TACR3: variants seen among roughly 807,000 people sequenced by gnomAD.
The protein encoded by TACR3 is tachykinin receptor 3.
Under a neutral mutation model 35.0 loss-of-function variants are expected in TACR3, and 34 were observed. That is an observed-to-expected ratio of 0.97 (90% confidence interval 0.74 to 1.30). The LOEUF is 1.30. TACR3 is among the 50% of genes most tolerant of loss of function. The probability of loss-of-function intolerance (pLI) is 0.00; values close to 1 mark genes in which losing one functional copy is unlikely to be tolerated. For synonymous variants in TACR3, 233 were observed against 221.1 expected (o/e 1.05, Z -0.48); for missense variants, 558 against 591.7 (o/e 0.94, Z 0.59).
At chr4:103,650,105 G>C (rs988980005) in intron 3 of TACR3, among the ~76,000 whole-genome samples, 1 of 152,142 alleles carries the variant, frequency 6.6e-6, no homozygotes, top group Non-Finnish European at 1.5e-5. Flanking sequence ...ATACTGCCTT[G>C]TTGGTCTTGG....
chr4:103,668,784 G>C (rs984763515), intron 1 of TACR3, among the ~76,000 whole-genome samples: 6 of 151,668 alleles, frequency 4.0e-5, no homozygotes, highest in African/African-American at 1.5e-4. Context: ...GGGAAGTGGA[G>C]GGTACAGAGA....
At chr4:103,652,647 C>G (rs775322110) in intron 3 of TACR3, among the ~76,000 whole-genome samples, 1 of 152,082 alleles carries the variant, frequency 6.6e-6, no homozygotes, top group African/African-American at 2.4e-5. Context: ...TTCTATTTGA[C>G]CATCCTGCTC....
At chr4:103,641,279 C>A (rs1725351135) in intron 3 of TACR3, among the ~76,000 whole-genome samples, 1 of 151,704 alleles carries the variant, frequency 6.6e-6, no homozygotes, top group African/African-American at 2.4e-5. Flanking sequence ...TAAAAAAATT[C>A]CAGTACCATA....
chr4:103,629,935 A>G (rs765583436), intron 3 of TACR3, among the ~76,000 whole-genome samples: 4 of 151,840 alleles, frequency 2.6e-5, no homozygotes, highest in Admixed American at 2.6e-4. Context: ...CTTGACTTCA[A>G]ACTATACTAC....
chr4:103,699,991 G>A (rs529046832), intron 1 of TACR3, among the ~76,000 whole-genome samples: 1 of 152,188 alleles, frequency 6.6e-6, no homozygotes, highest in East Asian at 1.9e-4. Context: ...TATCTACTTT[G>A]TTTATTTCAG....
At chr4:103,647,573 G>GA (rs962395673) in intron 3 of TACR3, among the ~76,000 whole-genome samples, 1 of 151,754 alleles carries the variant, frequency 6.6e-6, no homozygotes, top group Non-Finnish European at 1.5e-5. Context: ...AATTATCATT[G>GA]AAAAAAATGA....
At chr4:103,627,589 G>T (rs1298784338) in intron 3 of TACR3, among the ~76,000 whole-genome samples, 4 of 151,874 alleles carry the variant, frequency 2.6e-5, no homozygotes, top group African/African-American at 9.7e-5. Flanking sequence ...ATCAAGAAGA[G>T]CTAACTATCC....
intron 1 of TACR3, among the ~76,000 whole-genome samples, chr4:103,702,494 G>T (rs1190395335): frequency 6.6e-6 from 1 of 152,174 alleles, no homozygotes. Flanking sequence ...TCAGTGTGGT[G>T]ATTTCTCAGG....
At chr4:103,706,184 A>G (rs1479563990) in intron 1 of TACR3, among the ~76,000 whole-genome samples, 3 of 152,216 alleles carry the variant, frequency 2.0e-5, no homozygotes, top group Admixed American at 2.0e-4. Context: ...AAATATCTGG[A>G]GGTAAGATGA....
intron 1 of TACR3, among the ~76,000 whole-genome samples, chr4:103,704,987 G>A (rs76754161): frequency 3.7e-4 from 57 of 152,030 alleles, no homozygotes; most frequent in East Asian, 1.6e-3. Context: ...ATAAAATTTC[G>A]TTTTTGGATG....
chr4:103,704,036 G>A (rs541832516), intron 1 of TACR3, among the ~76,000 whole-genome samples: 3 of 147,370 alleles, frequency 2.0e-5, no homozygotes, highest in African/African-American at 2.5e-5. Flanking sequence ...CCCGGCAGGC[G>A]GAGCTTGCAG....
chr4:103,606,234 A>G (rs1281928017), intron 3 of TACR3, among the ~76,000 whole-genome samples: 1 of 151,666 alleles, frequency 6.6e-6, no homozygotes, highest in South Asian at 2.1e-4. Flanking sequence ...GTAGCCTTGT[A>G]GTATAGTTTG....
At chr4:103,639,711 C>T (rs1725305033) in intron 3 of TACR3, among the ~76,000 whole-genome samples, 1 of 151,888 alleles carries the variant, frequency 6.6e-6, no homozygotes, top group African/African-American at 2.4e-5. Flanking sequence ...AGAGAAAGAA[C>T]ACATTCTCTA....
rs527665583 is a variant in TACR3, at chr4:103,604,927, C to T, written c.889-13244G>A. On this transcript the variant is annotated intron_variant, in intron 3 of 4. Transcript: ENST00000304883. The stretch of plus-strand genomic sequence containing the variant: ...CATGTGCCATGCTGGTGCACTGCAC[C>T]CACTAACTCGTCATCTAGCATTAGG... Among the ~76,000 whole-genome samples the T allele has an allele frequency of 1.9e-4, 28 of 149,898 alleles. No individual in the cohort carries two copies. The South Asian group carries it at 4.1e-3, about 22-fold the overall frequency.
chr4:103,642,208 ATAT>A (rs1344021368), intron 3 of TACR3, among the ~76,000 whole-genome samples: 2 of 151,004 alleles, frequency 1.3e-5, no homozygotes, highest in Non-Finnish European at 3.0e-5. Flanking sequence ...ATGGATATAC[ATAT>A]TTATATATAT....
chr4:103,642,045 T>A (rs1439286887), intron 3 of TACR3, among the ~76,000 whole-genome samples: 1 of 151,874 alleles, frequency 6.6e-6, no homozygotes, highest in East Asian at 1.9e-4. Flanking sequence ...GTTTTCAAGG[T>A]CTACTGAACA....
chr4:103,667,483 CTAGAAT>C (rs1725959508), intron 1 of TACR3, among the ~76,000 whole-genome samples: 1 of 152,046 alleles, frequency 6.6e-6, no homozygotes, highest in African/African-American at 2.4e-5. Flanking sequence ...AACTAAGAGA[CTAGAAT>C]TAGAATGTTT....
chr4:103,702,611 T>C (rs560481263), intron 1 of TACR3, among the ~76,000 whole-genome samples: 9 of 152,182 alleles, frequency 5.9e-5, no homozygotes, highest in Non-Finnish European at 1.2e-4. Context: ...TGTATGTTTA[T>C]TGCGGCACTA....
intron 3 of TACR3, among the ~76,000 whole-genome samples, chr4:103,608,833 T>C (rs1009395639): frequency 6.6e-6 from 1 of 152,048 alleles, no homozygotes; most frequent in African/African-American, 2.4e-5. Context: ...GTAAGTAAGT[T>C]ACATGGTCAG....
Sources: gnomAD v4.1 joint callset for allele counts (sites outside exome capture counted in the v4.1 genomes callset) on GRCh38, gnomAD v4.1.1 for gene constraint, MANE v1.5 for transcripts, NCBI Gene and HGNC (gene_info 2026-07-23, HGNC 2026-07-21) for gene names.